Variants in PSMF1 observed in about 807,000 individuals in gnomAD.
The protein encoded by PSMF1 is proteasome inhibitor PI31 subunit.
PSMF1 carries 30 observed loss-of-function variants against 29.3 expected under a neutral mutation model. The ratio of observed to expected loss-of-function variants is 1.02; its 90% CI spans 0.77 to 1.39. The LOEUF (loss-of-function observed/expected upper bound fraction) is 1.39. PSMF1 is among the 40% of genes most tolerant of loss of function. The pLI, the probability that PSMF1 is intolerant of heterozygous loss-of-function variation, is 0.00. For synonymous variants in PSMF1, 134 were observed against 139.7 expected, an observed-to-expected ratio of 0.96 and a Z score of 0.29; for missense variants, 344 against 357.5, an observed-to-expected ratio of 0.96 and a Z score of 0.31.
chr20:1,133,569 A>ATATATTTTTTT, intron 3 of PSMF1, among the ~76,000 whole-genome samples: 1 of 53,284 alleles, frequency 1.9e-5, no homozygotes, highest in Admixed American at 2.0e-4. Flanking sequence ...ATATATATAT[A>ATATATTTTTTT]TTTTTTTTTT....
intron 1 of PSMF1, 35 bp downstream of exon 1, chr20:1,118,937 A>G (rs1450891945): frequency 6.2e-7 from 1 of 1,609,590 alleles, no homozygotes; most frequent in Non-Finnish European, 8.5e-7. Flanking sequence ...GGAGGAGGGA[A>G]CTGTCTTCTG....
At chr20:1,125,718 T>A in intron 2 of PSMF1, 68 bp downstream of exon 2, 1 of 1,544,932 alleles carries the variant, frequency 6.5e-7, no homozygotes, top group Non-Finnish European at 8.8e-7. Context: ...GAAACCCATT[T>A]AACGGTACGA....
At chr20:1,117,681 G>A (rs1029221832), upstream of PSMF1, among the ~76,000 whole-genome samples, 2 of 152,130 alleles carry the variant, frequency 1.3e-5, no homozygotes, top group African/African-American at 2.4e-5. Context: ...CTCTGGTTGC[G>A]GAGTGCAGTA....
chr20:1,126,850 G>T (rs1359614300), intron 2 of PSMF1, among the ~76,000 whole-genome samples: 1 of 152,150 alleles, frequency 6.6e-6, no homozygotes, highest in Non-Finnish European at 1.5e-5. Context: ...CTGAACTCCA[G>T]CCTGGGCAAT....
At position 1,168,577 on chromosome 20, in the gene PSMF1, T is replaced by G. The variant is rs1239576777; in HGVS notation, c.*3497T>G. Among the ~76,000 whole-genome samples, 1 of 152,216 alleles carries G rather than the reference T, an allele frequency of 6.6e-6. No individual in the cohort carries two copies. The highest frequency in any genetic ancestry group is 1.5e-5 in the Non-Finnish European group (1 of 68,036). On this transcript the variant is annotated 3_prime_UTR_variant, in exon 7 of 7. Coordinates refer to ENST00000335877, the MANE Select transcript of PSMF1 (RefSeq NM_006814.5). Reference sequence around the variant, plus strand: ...GTCATGAGTCTCTTGAGACTGAAACTCCAAGAATGTATTGTGCTCACAGTG... The same window carrying G: ...GTCATGAGTCTCTTGAGACTGAAACGCCAAGAATGTATTGTGCTCACAGTG...
At chr20:1,151,989 A>G (rs2086536528) in intron 4 of PSMF1, among the ~76,000 whole-genome samples, 2 of 152,190 alleles carry the variant, frequency 1.3e-5, no homozygotes, top group African/African-American at 4.8e-5. Context: ...AGTATGTGCT[A>G]AGAAGCTGGA....
chr20:1,156,395 A>G (rs2086595182), intron 4 of PSMF1, among the ~76,000 whole-genome samples: 1 of 152,216 alleles, frequency 6.6e-6, no homozygotes, highest in Non-Finnish European at 1.5e-5. Context: ...ACAGGCATAA[A>G]CCTACAGATT....
At chr20:1,118,591 G>A (rs933611827), upstream of PSMF1, 10 of 677,672 alleles carry the variant, frequency 1.5e-5, no homozygotes, top group African/African-American at 1.6e-4. Context: ...CCCGCTGTTG[G>A]GACTACTTCC....
intron 4 of PSMF1, among the ~76,000 whole-genome samples, chr20:1,153,278 G>A (rs933557754): frequency 6.6e-6 from 1 of 152,030 alleles, no homozygotes. Flanking sequence ...AATTCTCTAG[G>A]TCAAGAGTAT....
At chr20:1,160,738 T>C (rs540647191) in intron 4 of PSMF1, 1 of 455,894 alleles carries the variant, frequency 2.2e-6, no homozygotes, top group East Asian at 6.2e-5. Flanking sequence ...CAGAAGGTCT[T>C]CTACCTGGGC....
intron 3 of PSMF1, among the ~76,000 whole-genome samples, chr20:1,130,072 CAA>C (rs1250199250): frequency 1.3e-5 from 2 of 152,214 alleles, no homozygotes; most frequent in Non-Finnish European, 2.9e-5. Context: ...AAGCCATTCA[CAA>C]AAGGACAAAT....
chr20:1,135,400 G>C lies in PSMF1; in HGVS notation c.551+94G>C, dbSNP rs1007114813. ...TGCCACTTGACCCCATCCCTGGCCC[G>C]TATGTGTTTTCAACAAAATGATCAG... On this transcript the variant is annotated intron_variant, in intron 4 of 6. Coordinates refer to ENST00000335877, the MANE Select transcript of PSMF1 (RefSeq NM_006814.5). The C allele has an allele frequency of 1.6e-5, 21 of 1,305,474 alleles. No individual in the cohort carries two copies. In the South Asian group the frequency reaches 2.8e-4, roughly 17 times the overall value. 80.9% of individuals were successfully genotyped at this position (1,305,474 alleles called of 1,614,324 possible).
At chr20:1,126,819 C>A (rs2086162529) in intron 2 of PSMF1, among the ~76,000 whole-genome samples, 1 of 152,164 alleles carries the variant, frequency 6.6e-6, no homozygotes, top group African/African-American at 2.4e-5. Flanking sequence ...GCAGAGTTTG[C>A]TGTGAGCTGA....
intron 4 of PSMF1, among the ~76,000 whole-genome samples, chr20:1,155,489 G>C (rs906139171): frequency 1.3e-5 from 2 of 152,150 alleles, no homozygotes; most frequent in Non-Finnish European, 2.9e-5. Context: ...ACATGGCAGA[G>C]CAGGTAAAGC....
chr20:1,118,489 G>C (rs1172335603), upstream of PSMF1: 5 of 297,210 alleles, frequency 1.7e-5, no homozygotes, highest in Non-Finnish European at 3.1e-5. Context: ...CCGGCTTCCG[G>C]CTTTGAGGGG....
intron 4 of PSMF1, among the ~76,000 whole-genome samples, chr20:1,139,995 G>C (rs1345096369): frequency 6.6e-6 from 1 of 152,174 alleles, no homozygotes; most frequent in Non-Finnish European, 1.5e-5. Flanking sequence ...CTCACGGCTA[G>C]GAAGAATTAA....
At chr20:1,119,360 G>T (rs529268966) in intron 1 of PSMF1, among the ~76,000 whole-genome samples, 1 of 152,122 alleles carries the variant, frequency 6.6e-6, no homozygotes, top group Non-Finnish European at 1.5e-5. Context: ...TCCAAGCACA[G>T]GTACAGGAGT....
chr20:1,149,016 A>C (rs1159189657), intron 4 of PSMF1, among the ~76,000 whole-genome samples: 1 of 152,240 alleles, frequency 6.6e-6, no homozygotes, highest in Admixed American at 6.5e-5. Context: ...TCTTCAAAAC[A>C]AAAAATTTAG....
At chr20:1,150,793 T>C (rs574267094) in intron 4 of PSMF1, among the ~76,000 whole-genome samples, 6 of 152,330 alleles carry the variant, frequency 3.9e-5, no homozygotes, top group East Asian at 1.9e-4. Context: ...TCAGTGCTTT[T>C]CCCTTTATGT....
Sources: allele counts gnomAD v4.1 joint callset (sites outside exome capture counted in the v4.1 genomes callset), GRCh38; gene constraint gnomAD v4.1.1; transcripts MANE v1.5; gene names NCBI Gene and HGNC (gene_info 2026-07-23, HGNC 2026-07-21).